CADPS2: variants seen among roughly 807,000 people sequenced by gnomAD.
The protein encoded by CADPS2 is calcium-dependent secretion activator 2.
Under a neutral mutation model 172.5 loss-of-function variants are expected in CADPS2, and 93 were observed. The ratio of observed to expected loss-of-function variants is 0.54; its 90% CI spans 0.46 to 0.64. The LOEUF is 0.64. Ranked by LOEUF, CADPS2 falls within the 30% of genes least tolerant of loss-of-function variation. The probability of loss-of-function intolerance (pLI) is 0.00; values close to 1 mark genes in which losing one functional copy is unlikely to be tolerated. For synonymous variants in CADPS2, 546 were observed against 555.2 expected (o/e 0.98, Z 0.23); for missense variants, 1,420 against 1,565.9 (o/e 0.91, Z 1.57).
At chr7:122,659,037 G>GTTCTCAT (rs2080181817) in intron 3 of CADPS2, among the ~76,000 whole-genome samples, 1 of 151,882 alleles carries the variant, frequency 6.6e-6, no homozygotes, top group African/African-American at 2.4e-5. Flanking sequence ...TCAGTTCTCA[G>GTTCTCAT]TTCTCATTAC....
At chr7:122,508,292 A>G (rs1394534384) in intron 9 of CADPS2, among the ~76,000 whole-genome samples, 3 of 151,998 alleles carry the variant, frequency 2.0e-5, no homozygotes, top group South Asian at 2.1e-4. Context: ...AGAATTATAC[A>G]TATATTGATG....
intron 6 of CADPS2, among the ~76,000 whole-genome samples, chr7:122,581,669 A>T (rs921429559): frequency 3.3e-5 from 5 of 152,056 alleles, no homozygotes; most frequent in Admixed American, 6.6e-5. Context: ...CGTAAGAGAG[A>T]GTTTCTCAGA....
chr7:122,709,655 C>G (rs1392294639), intron 2 of CADPS2, among the ~76,000 whole-genome samples: 2 of 151,978 alleles, frequency 1.3e-5, no homozygotes, highest in Non-Finnish European at 2.9e-5. Flanking sequence ...TTGGAACCAA[C>G]CCAAATGTCC....
At chr7:122,778,333 AC>A (rs2093947126) in intron 1 of CADPS2, among the ~76,000 whole-genome samples, 1 of 152,196 alleles carries the variant, frequency 6.6e-6, no homozygotes, top group Non-Finnish European at 1.5e-5. Context: ...AGGAAGCAGA[AC>A]ATAAAAGTTT....
Position 122,657,017 on chromosome 7 carries a change from T to G in CADPS2, c.786+6220A>C, listed in dbSNP as rs1327457712. Among the ~76,000 whole-genome samples the G allele has an allele frequency of 3.9e-5, 6 of 152,316 alleles. No individual in the cohort carries two copies. The South Asian group carries it at 6.2e-4, about 16-fold the overall frequency. ...GTAAGGAAGGGATCCAGTTTCAGCT[T>G]TCTACATATGGCTAGCCAGTTTTCC... On this transcript the variant is annotated intron_variant, in intron 3 of 29. Transcript: ENST00000449022.
chr7:122,337,926 C>A (rs1212341334), intron 28 of CADPS2, among the ~76,000 whole-genome samples: 1 of 152,124 alleles, frequency 6.6e-6, no homozygotes, highest in African/African-American at 2.4e-5. Context: ...CAATGAAACA[C>A]AACAATGACA....
chr7:122,353,645 C>T (rs942837304), intron 27 of CADPS2, among the ~76,000 whole-genome samples: 8 of 152,082 alleles, frequency 5.3e-5, no homozygotes, highest in African/African-American at 1.9e-4. Flanking sequence ...CCCAAAATGT[C>T]CTGTTTAACT....
At chr7:122,365,231 G>A (rs144760388) in intron 25 of CADPS2, among the ~76,000 whole-genome samples, 1 of 152,142 alleles carries the variant, frequency 6.6e-6, no homozygotes, top group Non-Finnish European at 1.5e-5. Context: ...AAAAGTAGTG[G>A]AGAGTCTTTC....
chr7:122,858,359 G>A (rs1461588629), intron 1 of CADPS2, among the ~76,000 whole-genome samples: 1 of 152,094 alleles, frequency 6.6e-6, no homozygotes, highest in African/African-American at 2.4e-5. Flanking sequence ...TTTAAATAGA[G>A]CTTTTATACA....
chr7:122,475,095 G>A (rs1040258179), intron 12 of CADPS2, among the ~76,000 whole-genome samples: 3 of 152,156 alleles, frequency 2.0e-5, no homozygotes, highest in Non-Finnish European at 2.9e-5. Context: ...AAAGCTTAAC[G>A]TCCCAAATGG....
chr7:122,821,020 T>G (rs1401866248), intron 1 of CADPS2, among the ~76,000 whole-genome samples: 1 of 152,010 alleles, frequency 6.6e-6, no homozygotes, highest in African/African-American at 2.4e-5. Context: ...CGCATATACT[T>G]TCTGCTTCCT....
intron 2 of CADPS2, among the ~76,000 whole-genome samples, chr7:122,695,087 A>G (rs1801852638): frequency 6.6e-6 from 1 of 152,248 alleles, no homozygotes; most frequent in Non-Finnish European, 1.5e-5. Context: ...TCTCTGCAGG[A>G]CAGTTGCATT....
rs1032027012 is a variant in CADPS2 at position 122,319,287 on chromosome 7, CAAAA to C, written c.*874_*877del. The C allele has an allele frequency of 1.2e-4, 19 of 152,156 alleles. No homozygotes were observed. Among genetic ancestry groups the C allele is most frequent in the African/African-American group, 4.6e-4 (19 of 41,478 alleles). The allele number at this position is 152,156 out of a possible 1,614,324, so 9.4% of individuals were successfully genotyped here. A position where few individuals can be genotyped will look rare whatever the true frequency, so the allele number is the denominator to read the frequency against. On this transcript the variant is annotated 3_prime_UTR_variant, in exon 30 of 30. Coordinates refer to ENST00000449022, the MANE Select transcript of CADPS2 (RefSeq NM_017954.11). Reference sequence around the variant, plus strand: ...AACAAAATATTACAAACAAAACAAACAAAAAACTCAAGAAACAAAAACACAGAGT... The same window carrying C: ...AACAAAATATTACAAACAAAACAAACAACTCAAGAAACAAAAACACAGAGT...
chr7:122,422,153 T>C (rs192687573), intron 17 of CADPS2: 1 of 152,270 alleles, frequency 6.6e-6, no homozygotes, highest in Non-Finnish European at 1.5e-5. Context: ...TGGGAAAATA[T>C]CTACTATCTA....
intron 2 of CADPS2, among the ~76,000 whole-genome samples, chr7:122,710,152 C>T (rs1002840885): frequency 6.7e-6 from 1 of 150,240 alleles, no homozygotes; most frequent in African/African-American, 2.4e-5. Flanking sequence ...CTTCCTAATA[C>T]AAGTCCTATG....
At chr7:122,780,351 C>A (rs1198258765) in intron 1 of CADPS2, among the ~76,000 whole-genome samples, 1 of 152,048 alleles carries the variant, frequency 6.6e-6, no homozygotes, top group Non-Finnish European at 1.5e-5. Context: ...ATATTTTGCT[C>A]CATACTCATA....
At chr7:122,606,984 T>A (rs2073649538) in intron 6 of CADPS2, among the ~76,000 whole-genome samples, 1 of 152,072 alleles carries the variant, frequency 6.6e-6, no homozygotes, top group Admixed American at 6.6e-5. Flanking sequence ...GGAGAAGAGT[T>A]ACATGTGGAC....
chr7:122,422,709 C>T (rs1454014919), intron 17 of CADPS2, among the ~76,000 whole-genome samples: 1 of 151,746 alleles, frequency 6.6e-6, no homozygotes, highest in Admixed American at 6.6e-5. Flanking sequence ...AATCCCAGCA[C>T]TTTGGGAAGC....
intron 2 of CADPS2, among the ~76,000 whole-genome samples, chr7:122,705,018 C>T (rs1187285592): frequency 1.3e-5 from 2 of 152,028 alleles, no homozygotes; most frequent in Non-Finnish European, 2.9e-5. Flanking sequence ...CATCCCAAAA[C>T]TCTCCCAACC....
Sources: allele counts gnomAD v4.1 joint callset (sites outside exome capture counted in the v4.1 genomes callset), GRCh38; gene constraint gnomAD v4.1.1; transcripts MANE v1.5; gene names NCBI Gene and HGNC (gene_info 2026-07-23, HGNC 2026-07-21).